SNAP91: variants seen among roughly 807,000 people sequenced by gnomAD.
The protein encoded by SNAP91 is clathrin coat assembly protein AP180.
In SNAP91, 27 loss-of-function variants were observed where a neutral mutation model predicts 100.3. That is an observed-to-expected ratio of 0.27 (90% CI 0.20 to 0.37). The LOEUF is 0.37. SNAP91 is among the 10% of genes least tolerant of loss of function. The pLI, the probability that SNAP91 is intolerant of heterozygous loss-of-function variation, is 1.00. For missense variants in SNAP91, 986 were observed against 1,123.7 expected (o/e 0.88, Z 1.75); for synonymous variants, 404 against 398.6 (o/e 1.01, Z -0.16).
intron 7 of SNAP91, among the ~76,000 whole-genome samples, chr6:83,641,642 TC>T (rs2097707639): frequency 6.6e-6 from 1 of 152,174 alleles, no homozygotes; most frequent in Admixed American, 6.5e-5. Flanking sequence ...CAATAAACCT[TC>T]CTGAATTAAA....
intron 26 of SNAP91, among the ~76,000 whole-genome samples, chr6:83,573,644 G>C (rs1233213478): frequency 6.6e-6 from 1 of 151,836 alleles, no homozygotes; most frequent in Admixed American, 6.6e-5. Context: ...CAGAACTAAT[G>C]CCACATATCT....
intron 16 of SNAP91, 21 bp from the exon 17 acceptor site, chr6:83,594,502 C>A: frequency 7.4e-7 from 1 of 1,357,106 alleles, no homozygotes; most frequent in African/African-American, 1.5e-5. Context: ...GTTTTTAAAA[C>A]AGCAGAAATT....
At chr6:83,668,985 C>T (rs985700240) in intron 2 of SNAP91, among the ~76,000 whole-genome samples, 1 of 151,972 alleles carries the variant, frequency 6.6e-6, no homozygotes, top group African/African-American at 2.4e-5. Context: ...CTTAAATGTG[C>T]TGAGAACACT....
At chr6:83,681,572 A>AC (rs1048079812) in intron 2 of SNAP91, among the ~76,000 whole-genome samples, 4 of 143,328 alleles carry the variant, frequency 2.8e-5, no homozygotes, top group African/African-American at 1.0e-4. Flanking sequence ...GCCAGCTCAG[A>AC]AAAAAAAAGT....
At chr6:83,569,388 C>G (rs1273917393) in intron 26 of SNAP91, among the ~76,000 whole-genome samples, 1 of 152,160 alleles carries the variant, frequency 6.6e-6, no homozygotes, top group Non-Finnish European at 1.5e-5. Flanking sequence ...ATGAGACAAT[C>G]TCAGTCTGTG....
rs1315174464 is a variant in SNAP91 at position 83,554,004 on chromosome 6, T to G, written c.*292A>C. The stretch of plus-strand genomic sequence containing the variant: ...AACAGCTGCATCATCTGTCCTCAGG[T>G]GAAGTCCAAAAAAGCACTAACGGCA... On this transcript the variant is annotated 3_prime_UTR_variant, in exon 30 of 30. Transcript: ENST00000369694. The G allele has an allele frequency of 1.3e-5, 2 of 153,288 alleles. No individual in the cohort carries two copies. Among genetic ancestry groups the G allele is most frequent in the African/African-American group, 2.4e-5 (1 of 41,446 alleles). The allele number at this position is 153,288 out of a possible 1,614,324, so 9.5% of individuals were successfully genotyped here. A position where few individuals can be genotyped will look rare whatever the true frequency, so the allele number is the denominator to read the frequency against.
chr6:83,707,946 C>A lies in SNAP91; in HGVS notation c.-19G>T. The A allele has an allele frequency of 6.4e-7, 1 of 1,563,748 alleles. No individual in the cohort carries two copies. Among genetic ancestry groups the A allele is most frequent in the Non-Finnish European group, 8.6e-7 (1 of 1,162,682 alleles). ...CCGACATCTTCTGTGGTCGCGTCTA[C>A]CGCCTCCTCTTCTGCAGGAAACAAG... On this transcript the variant is annotated 5_prime_UTR_variant, in exon 2 of 30. Transcript: ENST00000369694.
chr6:83,583,442 C>T (rs1229156562), intron 22 of SNAP91, among the ~76,000 whole-genome samples: 1 of 152,210 alleles, frequency 6.6e-6, no homozygotes, highest in African/African-American at 2.4e-5. Flanking sequence ...TCAAAGACTA[C>T]TGTAAAGTAA....
chr6:83,656,636 T>C, intron 7 of SNAP91, 118 bp downstream of exon 7: 1 of 549,868 alleles, frequency 1.8e-6, no homozygotes, highest in Non-Finnish European at 3.2e-6. Flanking sequence ...ACTTACTCAC[T>C]ATCATGATAT....
intron 2 of SNAP91, among the ~76,000 whole-genome samples, chr6:83,692,351 C>T (rs2128996730): frequency 6.6e-6 from 1 of 152,134 alleles, no homozygotes; most frequent in South Asian, 2.1e-4. Context: ...CCCATCTCTA[C>T]TAAAAATACA....
chr6:83,694,378 A>G (rs916083255), intron 2 of SNAP91, among the ~76,000 whole-genome samples: 2 of 152,214 alleles, frequency 1.3e-5, no homozygotes, highest in African/African-American at 4.8e-5. Flanking sequence ...TCTAGATGAC[A>G]GAATTTCTAG....
chr6:83,597,017 T>G (rs537967608), intron 16 of SNAP91, among the ~76,000 whole-genome samples: 1 of 152,300 alleles, frequency 6.6e-6, no homozygotes, highest in African/African-American at 2.4e-5. Context: ...ATAAAGCCCA[T>G]ATTGTTATAG....
At chr6:83,571,101 C>T (rs899542439) in intron 26 of SNAP91, among the ~76,000 whole-genome samples, 9 of 151,454 alleles carry the variant, frequency 5.9e-5, no homozygotes, top group South Asian at 2.1e-4. Context: ...GGACCATGGG[C>T]GCCCACCTCT....
chr6:83,692,529 A>C (rs2128998047), intron 2 of SNAP91, among the ~76,000 whole-genome samples: 1 of 149,012 alleles, frequency 6.7e-6, no homozygotes, highest in African/African-American at 2.5e-5. Flanking sequence ...AAAAAAAATT[A>C]CCTATTTAAA....
At chr6:83,565,181 C>A (rs1270285112) in intron 26 of SNAP91, among the ~76,000 whole-genome samples, 1 of 151,738 alleles carries the variant, frequency 6.6e-6, no homozygotes, top group Non-Finnish European at 1.5e-5. Context: ...TGAAAAGAAG[C>A]CTTTTCAGGC....
intron 9 of SNAP91, 29 bp from the exon 10 acceptor site, chr6:83,617,068 T>C (rs1206316675): frequency 1.4e-6 from 2 of 1,458,674 alleles, no homozygotes; most frequent in Middle Eastern, 1.8e-4. Context: ...AATAAATGTC[T>C]GCATTGTTTA....
chr6:83,641,293 T>G, intron 7 of SNAP91, 91 bp from the exon 8 acceptor site: 1 of 570,988 alleles, frequency 1.8e-6, no homozygotes, highest in Non-Finnish European at 2.9e-6. Context: ...CAAAACTTAA[T>G]TAATGTTTGA....
At chr6:83,627,088 C>G (rs1351459544) in intron 8 of SNAP91, among the ~76,000 whole-genome samples, 1 of 152,018 alleles carries the variant, frequency 6.6e-6, no homozygotes, top group Admixed American at 6.6e-5. Flanking sequence ...TTACAGAAAG[C>G]TTTTGCTGCA....
intron 14 of SNAP91, among the ~76,000 whole-genome samples, chr6:83,603,770 C>T (rs927303565): frequency 6.6e-6 from 1 of 152,114 alleles, no homozygotes; most frequent in African/African-American, 2.4e-5. Context: ...CCTTGCCCTG[C>T]CTTTGAGCAA....
Sources: gnomAD v4.1 joint callset for allele counts (sites outside exome capture counted in the v4.1 genomes callset) on GRCh38, gnomAD v4.1.1 for gene constraint, MANE v1.5 for transcripts, NCBI Gene and HGNC (gene_info 2026-07-23, HGNC 2026-07-21) for gene names.